Variants in CTNNA3 observed in about 807,000 individuals in gnomAD.
CTNNA3 encodes the protein catenin alpha-3.
In CTNNA3, 76 loss-of-function variants were observed where a neutral mutation model predicts 95.7. The ratio of observed to expected loss-of-function variants is 0.79; its 90% CI spans 0.66 to 0.96. The LOEUF (loss-of-function observed/expected upper bound fraction) is 0.96. Among genes scored for constraint, CTNNA3 ranks in the 40% least tolerant of loss-of-function variants. The pLI, the probability that CTNNA3 is intolerant of heterozygous loss-of-function variation, is 0.00. For missense variants in CTNNA3, 1,191 were observed against 1,089.8 expected, an observed-to-expected ratio of 1.09 and a Z score of -1.31; for synonymous variants, 431 against 374.4, an observed-to-expected ratio of 1.15 and a Z score of -1.74.
At chr10:67,514,676 GT>G (rs1302007979) in intron 5 of CTNNA3, among the ~76,000 whole-genome samples, 1 of 145,770 alleles carries the variant, frequency 6.9e-6, no homozygotes, top group African/African-American at 2.5e-5. Context: ...GTTGTTTTTT[GT>G]TTGTTTGTTT....
At chr10:67,143,376 C>T (rs2132046881) in intron 7 of CTNNA3, among the ~76,000 whole-genome samples, 2 of 142,888 alleles carry the variant, frequency 1.4e-5, no homozygotes, top group East Asian at 2.1e-4. Flanking sequence ...GAGCCGAAAT[C>T]ACGCCACTCA....
chr10:66,076,819 TATG>T (rs1409061619), intron 14 of CTNNA3, among the ~76,000 whole-genome samples: 1 of 151,730 alleles, frequency 6.6e-6, no homozygotes, highest in Non-Finnish European at 1.5e-5. Flanking sequence ...TAAATAATAA[TATG>T]ATGAGGTAGA....
At chr10:67,403,348 C>G (rs1844996935) in intron 5 of CTNNA3, 1 of 152,316 alleles carries the variant, frequency 6.6e-6, no homozygotes. Context: ...GCCAATGTTG[C>G]TTTGAGCCCA....
intron 13 of CTNNA3, among the ~76,000 whole-genome samples, chr10:66,262,166 G>A (rs914509513): frequency 6.6e-6 from 1 of 152,064 alleles, no homozygotes; most frequent in Non-Finnish European, 1.5e-5. Context: ...AATTAGCTAC[G>A]TGGATATAGG....
chr10:66,799,569 T>TGAGGAGA (rs1841348242), intron 7 of CTNNA3, among the ~76,000 whole-genome samples: 1 of 151,466 alleles, frequency 6.6e-6, no homozygotes, highest in South Asian at 2.1e-4. Flanking sequence ...TGAAGCATTG[T>TGAGGAGA]GGTGAGGAGA....
intron 3 of CTNNA3, among the ~76,000 whole-genome samples, chr10:67,583,813 C>A (rs1297983352): frequency 6.6e-6 from 1 of 152,130 alleles, no homozygotes; most frequent in Non-Finnish European, 1.5e-5. Flanking sequence ...TTCATTTGAT[C>A]TTCAATCGCT....
intron 11 of CTNNA3, among the ~76,000 whole-genome samples, chr10:66,388,047 A>G (rs2092907450): frequency 6.6e-6 from 1 of 152,152 alleles, no homozygotes; most frequent in Non-Finnish European, 1.5e-5. Context: ...ATACCTATGT[A>G]TCAAACCTAC....
intron 15 of CTNNA3, among the ~76,000 whole-genome samples, chr10:66,047,564 C>T (rs946072528): frequency 6.6e-6 from 1 of 152,054 alleles, no homozygotes; most frequent in African/African-American, 2.4e-5. Flanking sequence ...CCTTGAAAAC[C>T]AGCACAAGAC....
intron 12 of CTNNA3, among the ~76,000 whole-genome samples, chr10:66,311,372 T>TGATCAG (rs2092018327): frequency 6.6e-6 from 1 of 152,204 alleles, no homozygotes; most frequent in Non-Finnish European, 1.5e-5. Context: ...CACCCAGGTG[T>TGATCAG]AAGGCAAAGC....
chr10:66,945,019 C>A (rs1219006113), intron 7 of CTNNA3, among the ~76,000 whole-genome samples: 1 of 152,122 alleles, frequency 6.6e-6, no homozygotes, highest in Non-Finnish European at 1.5e-5. Context: ...TAGCATCATT[C>A]TTAAGGGCCC....
intron 7 of CTNNA3, among the ~76,000 whole-genome samples, chr10:66,823,862 T>G (rs1842389351): frequency 6.6e-6 from 1 of 152,050 alleles, no homozygotes; most frequent in Non-Finnish European, 1.5e-5. Context: ...GGGGCCAGAA[T>G]CAAACCTAAG....
intron 11 of CTNNA3, among the ~76,000 whole-genome samples, chr10:66,461,542 G>T (rs1351629145): frequency 1.3e-5 from 2 of 151,764 alleles, no homozygotes; most frequent in Admixed American, 6.6e-5. Flanking sequence ...CTGCTTCTTG[G>T]GTAGTGCGTC....
chr10:66,661,465 A>G, intron 9 of CTNNA3, among the ~76,000 whole-genome samples: 1 of 152,106 alleles, frequency 6.6e-6, no homozygotes, highest in East Asian at 1.9e-4. Flanking sequence ...TCAAGCTGAG[A>G]TTTTGGTGAG....
chr10:66,454,778 G>A (rs2093485022), intron 11 of CTNNA3, among the ~76,000 whole-genome samples: 1 of 136,560 alleles, frequency 7.3e-6, no homozygotes, highest in East Asian at 2.5e-4. Context: ...AAATGAAGAT[G>A]AAGGAGGAGG....
At chr10:66,365,613 T>C (rs998366403) in intron 12 of CTNNA3, among the ~76,000 whole-genome samples, 1 of 152,182 alleles carries the variant, frequency 6.6e-6, no homozygotes, top group Non-Finnish European at 1.5e-5. Context: ...TTAGAAGTTG[T>C]AGTAGGCAGC....
At chr10:67,469,134 C>A (rs1847717896) in intron 5 of CTNNA3, among the ~76,000 whole-genome samples, 1 of 152,116 alleles carries the variant, frequency 6.6e-6, no homozygotes, top group South Asian at 2.1e-4. Context: ...AAAAAACAGT[C>A]TTTTCTGTTC....
intron 7 of CTNNA3, among the ~76,000 whole-genome samples, chr10:66,856,879 C>T (rs138381068): frequency 6.6e-6 from 1 of 152,016 alleles, no homozygotes; most frequent in Admixed American, 6.6e-5. Flanking sequence ...TCAATAGTTT[C>T]TTTTGCTGTG....
intron 3 of CTNNA3, among the ~76,000 whole-genome samples, chr10:67,596,505 C>T (rs552956671): frequency 6.6e-6 from 1 of 152,146 alleles, no homozygotes; most frequent in Non-Finnish European, 1.5e-5. Flanking sequence ...GGTTTTATTT[C>T]TCCTTTGCTT....
chr10:67,587,193 TTGTGTGTGTGTGTGTGTGTGTG>T (rs57140243), intron 3 of CTNNA3, among the ~76,000 whole-genome samples: 2 of 130,064 alleles, frequency 1.5e-5, no homozygotes, highest in Admixed American at 8.0e-5. Context: ...CCCAGCTAAC[TTGTGTGTGTGTGTGTGTGTGTG>T]TGTGTGTGTG....
Sources: allele counts gnomAD v4.1 joint callset (sites outside exome capture counted in the v4.1 genomes callset), GRCh38; gene constraint gnomAD v4.1.1; transcripts MANE v1.5; gene names NCBI Gene and HGNC (gene_info 2026-07-23, HGNC 2026-07-21).